Variants in PALB2 observed in about 807,000 individuals in gnomAD.
PALB2 encodes partner and localizer of BRCA2.
In PALB2, 82 loss-of-function variants were observed where a neutral mutation model predicts 107.4. That is an observed-to-expected ratio of 0.76 (90% CI 0.64 to 0.92). The LOEUF (loss-of-function observed/expected upper bound fraction) is 0.92, where lower values mean the gene tolerates loss of function less well. PALB2 is among the 40% of genes least tolerant of loss of function. The probability of loss-of-function intolerance (pLI) is 0.00; values close to 1 mark genes in which losing one functional copy is unlikely to be tolerated. For synonymous variants in PALB2, 489 were observed against 496.8 expected, an observed-to-expected ratio of 0.98 and a Z score of 0.21; for missense variants, 1,374 against 1,379.9, an observed-to-expected ratio of 1.00 and a Z score of 0.07.
In PALB2 at chr16:23,636,064, T is replaced by G. The variant is rs748042783; in HGVS notation, c.482A>C (p.Asp161Ala). ...QKRTFISQER[D>A]CVFGTDSLRL... is the part of the protein sequence containing the mutation. ...GAGTGAATCAGTGCCAAAGACACAGTCTCTCTCCTGTGAAATAAATGTCCT... is the reference window on the plus strand; with the variant it reads ...GAGTGAATCAGTGCCAAAGACACAGGCTCTCTCCTGTGAAATAAATGTCCT... Residue 161 changes from aspartate (D) to alanine (A), a missense_variant, in exon 4 of 13, where the codon GAC becomes GCC. By Grantham distance (126) the Asp-to-Ala change is moderately radical. Transcript: ENST00000261584. The G allele has an allele frequency of 6.2e-7, 1 of 1,614,032 alleles. No homozygotes were observed.
intron 6 of PALB2, among the ~76,000 whole-genome samples, 187 bp from the exon 7 acceptor site, chr16:23,626,584 T>A (rs541333957): frequency 8.5e-5 from 13 of 152,292 alleles, no homozygotes; most frequent in African/African-American, 2.9e-4. Context: ...CAAACTTACA[T>A]CATGAAAGAT....
intron 4 of PALB2, among the ~76,000 whole-genome samples, chr16:23,631,475 T>A (rs1284164233): frequency 2.0e-5 from 3 of 150,818 alleles, no homozygotes; most frequent in South Asian, 2.1e-4. Flanking sequence ...TCTCAAAAAA[T>A]AAATAAATAA....
chr16:23,614,719 C>T (rs1966650773), intron 10 of PALB2, among the ~76,000 whole-genome samples: 2 of 130,026 alleles, frequency 1.5e-5, no homozygotes, highest in Admixed American at 8.7e-5. Context: ...GGCGGGATCT[C>T]GGCTCACTGC....
intron 6 of PALB2, among the ~76,000 whole-genome samples, chr16:23,628,171 G>A (rs1251681852): frequency 1.3e-5 from 2 of 152,004 alleles, no homozygotes; most frequent in Non-Finnish European, 2.9e-5. Flanking sequence ...TGCAGTGAGT[G>A]GAGATTGGAG....
intron 11 of PALB2, among the ~76,000 whole-genome samples, chr16:23,612,228 A>G (rs78029288): frequency 6.6e-6 from 1 of 151,898 alleles, no homozygotes; most frequent in Admixed American, 6.6e-5. Context: ...TTATTTATTT[A>G]TTTATTTATT....
rs1064795507 is a variant in PALB2, at chr16:23,629,732, C to T, written c.2422G>A (p.Gly808Arg). Reference protein sequence around the residue: ...PTCDCDSVPPGTPPPIESFTF... With the variant: ...PTCDCDSVPPRTPPPIESFTF... The stretch of plus-strand genomic sequence containing the variant: ...AATGACTCAATGGGTGGAGGTGTTC[C>T]TGGCGGGACAGAGTCACAGTCACAG... Residue 808 changes from glycine to arginine, a missense_variant, in exon 5 of 13, where the codon GGA becomes AGA. Coordinates refer to ENST00000261584, the MANE Select transcript of PALB2 (RefSeq NM_024675.4). 6.2e-7 allele frequency: 1 copy of T among 1,614,192 alleles called. No homozygotes were observed. Among genetic ancestry groups the T allele is most frequent in the Non-Finnish European group, 8.5e-7 (1 of 1,180,040 alleles).
Position 23,624,046 on chromosome 16 carries a change from A to C in PALB2, c.2797T>G (p.Cys933Gly), listed in dbSNP as rs1295650692. 1 of 1,607,934 alleles carries C rather than the reference A, an allele frequency of 6.2e-7. No homozygotes were observed. Among genetic ancestry groups the C allele is most frequent in the African/African-American group, 1.3e-5 (1 of 74,736 alleles). ...VPVPDVYNLVCVALGNLEIRE... is the reference protein window; with the variant it reads ...VPVPDVYNLVGVALGNLEIRE... ...ATTTCCAAATTTCCCAAAGCTACACACACGAGATTATACACATCAGGCACT... is the reference window on the plus strand; with the variant it reads ...ATTTCCAAATTTCCCAAAGCTACACCCACGAGATTATACACATCAGGCACT... The change falls in exon 8 of 13, where the codon TGT (cysteine) becomes GGT (glycine). Residue 933 changes from cysteine to glycine, a missense_variant. Coordinates refer to ENST00000261584, the MANE Select transcript of PALB2 (RefSeq NM_024675.4).
At chr16:23,610,530 A>G (rs1277510238) in intron 11 of PALB2, among the ~76,000 whole-genome samples, 1 of 151,054 alleles carries the variant, frequency 6.6e-6, no homozygotes, top group Non-Finnish European at 1.5e-5. Flanking sequence ...GATGGTCTCA[A>G]TCTCCTGACC....
chr16:23,606,735 G>A (rs1051774496), intron 12 of PALB2, among the ~76,000 whole-genome samples: 2 of 151,940 alleles, frequency 1.3e-5, no homozygotes, highest in African/African-American at 4.8e-5. Context: ...GTGTTGGTCA[G>A]GCTGGTCTCG....
At chr16:23,624,326 TA>T (rs1966831222) in intron 7 of PALB2, among the ~76,000 whole-genome samples, 1 of 152,166 alleles carries the variant, frequency 6.6e-6, no homozygotes, top group Admixed American at 6.5e-5. Flanking sequence ...ATTCTAACAA[TA>T]GGGGAATAAT....
At position 23,635,179 on chromosome 16, in the gene PALB2, T is replaced by A. The variant is rs2142418198; in HGVS notation, c.1367A>T (p.Glu456Val). Reference protein sequence around the residue: ...DASKNLNLSNEETDQSEIRMS... With the variant: ...DASKNLNLSNVETDQSEIRMS... Reference sequence around the variant, plus strand: ...CCTAATTTCACTTTGGTCAGTTTCCTCATTGGAAAGGTTTAAATTTTTACT... The same window carrying A: ...CCTAATTTCACTTTGGTCAGTTTCCACATTGGAAAGGTTTAAATTTTTACT... Residue 456 changes from glutamate (E) to valine (V), a missense_variant, in exon 4 of 13, where the codon GAG (glutamate) becomes GTG (valine). Glu to Val is a moderately radical substitution (Grantham distance 121). Coordinates refer to ENST00000261584, the MANE Select transcript of PALB2 (RefSeq NM_024675.4). 6.2e-7 allele frequency: 1 copy of A among 1,614,244 alleles called. No individual in the cohort carries two copies. The highest frequency in any genetic ancestry group is 8.5e-7 in the Non-Finnish European group (1 of 1,180,046).
chr16:23,637,779 AAAG>A, intron 3 of PALB2, 68 bp downstream of exon 3: 2 of 1,220,896 alleles, frequency 1.6e-6, no homozygotes, highest in Non-Finnish European at 2.4e-6. Context: ...ACTGTGGGAA[AAAG>A]AACAATAGCC....
At chr16:23,607,513 C>G (rs1474584030) in intron 12 of PALB2, 2 of 328,162 alleles carry the variant, frequency 6.1e-6, no homozygotes, top group Non-Finnish European at 1.2e-5. Context: ...CCAAGTTGGT[C>G]TCAAACTCCT....
chr16:23,639,030 A>G (rs1304822144), intron 1 of PALB2, among the ~76,000 whole-genome samples: 1 of 152,234 alleles, frequency 6.6e-6, no homozygotes, highest in Non-Finnish European at 1.5e-5. Context: ...TTTATTAAAT[A>G]AATAAATGAA....
At chr16:23,628,210 C>G (rs1350952951) in intron 6 of PALB2, among the ~76,000 whole-genome samples, 2 of 152,144 alleles carry the variant, frequency 1.3e-5, no homozygotes, top group East Asian at 3.8e-4. Context: ...GCACTCCAGC[C>G]TAGGCAACAG....
In PALB2 at chr16:23,635,712, T is replaced by C. The variant is rs199919863; in HGVS notation, c.834A>G (p.Leu278=). 2 of 1,614,204 alleles carry C rather than the reference T, an allele frequency of 1.2e-6. No individual in the cohort carries two copies. Among genetic ancestry groups the C allele is most frequent in the Non-Finnish European group, 1.7e-6 (2 of 1,180,038 alleles). The part of the protein sequence containing the change: ...KGSSELTTHD[L]KNIRFTSPVS... ...CAGGTGAAGTAAATCTAATGTTTTT[T>C]AGGTCGTGAGTAGTAAGTTCACTGC... Residue 278 remains leucine, a synonymous_variant, in exon 4 of 13, where the codon CTA becomes CTG. Transcript: ENST00000261584.
chr16:23,637,012 G>A (rs187797877), intron 3 of PALB2, among the ~76,000 whole-genome samples: 37 of 152,298 alleles, frequency 2.4e-4, no homozygotes, highest in Non-Finnish European at 3.8e-4. Context: ...CACTTTGGGA[G>A]GCTGAGGCAG....
chr16:23,604,448 G>A (rs1966425269), intron 12 of PALB2, among the ~76,000 whole-genome samples: 1 of 152,236 alleles, frequency 6.6e-6, no homozygotes, highest in Non-Finnish European at 1.5e-5. Flanking sequence ...GCAGTGCCTG[G>A]CACACAGGAG....
rs371085248 is a variant in PALB2, at chr16:23,626,456, A to C, written c.2587-59T>G. ...ACTCGAGTGCTGTTTTATGCAAAGC[A>C]TAAGTATGCAAAGTGATGAATTATA... On this transcript the variant is annotated intron_variant, in intron 6 of 12. Coordinates refer to ENST00000261584, the MANE Select transcript of PALB2 (RefSeq NM_024675.4). The C allele has an allele frequency of 2.6e-4, 414 of 1,577,432 alleles. 9 individuals carry two copies. The East Asian group carries it at 7.6e-3, about 29-fold the overall frequency.
Sources: allele counts gnomAD v4.1 joint callset (sites outside exome capture counted in the v4.1 genomes callset), GRCh38; gene constraint gnomAD v4.1.1; transcripts MANE v1.5; gene names NCBI Gene and HGNC (gene_info 2026-07-23, HGNC 2026-07-21).